VPS13A: variants seen among roughly 807,000 people sequenced by gnomAD.
VPS13A encodes vacuolar protein sorting 13 homolog A.
VPS13A carries 264 observed loss-of-function variants against 390.9 expected under a neutral mutation model. That is an observed-to-expected ratio of 0.68 (90% CI 0.61 to 0.75). VPS13A has a LOEUF of 0.75. Among genes scored for constraint, VPS13A ranks in the 30% least tolerant of loss-of-function variants. The pLI, the probability that VPS13A is intolerant of heterozygous loss-of-function variation, is 0.00. For missense variants in VPS13A, 3,409 were observed against 3,733.9 expected (o/e 0.91, Z 2.27); for synonymous variants, 1,231 against 1,227.1 (o/e 1.00, Z -0.07).
chr9:77,193,598 C>T (rs1824813187), intron 1 of VPS13A, among the ~76,000 whole-genome samples: 1 of 152,184 alleles, frequency 6.6e-6, no homozygotes, highest in Non-Finnish European at 1.5e-5. Flanking sequence ...CATGCCACTG[C>T]ACTCCAGCCT....
intron 52 of VPS13A, among the ~76,000 whole-genome samples, chr9:77,346,720 A>G (rs1238382747): frequency 6.6e-6 from 1 of 152,240 alleles, no homozygotes; most frequent in African/African-American, 2.4e-5. Context: ...ATGAGAATCC[A>G]ATTTTATTCT....
chr9:77,233,169 G>A (rs1166725360), intron 17 of VPS13A, among the ~76,000 whole-genome samples: 1 of 151,804 alleles, frequency 6.6e-6, no homozygotes, highest in African/African-American at 2.4e-5. Flanking sequence ...CTAGGAATTT[G>A]TTCATTTATC....
At chr9:77,283,713 C>A (rs1827173537) in intron 31 of VPS13A, 63 bp downstream of exon 31, 3 of 1,286,274 alleles carry the variant, frequency 2.3e-6, no homozygotes, top group Admixed American at 2.0e-5. Flanking sequence ...TAAGAGTGGT[C>A]ATAGGTATCA....
At position 77,323,083 on chromosome 9, in the gene VPS13A, T is replaced by C; in HGVS notation, c.5847T>C (p.Ser1949=). 1 of 1,612,366 alleles carries C rather than the reference T, an allele frequency of 6.2e-7. No individual in the cohort carries two copies. The highest frequency in any genetic ancestry group is 8.5e-7 in the Non-Finnish European group (1 of 1,178,806). Residue 1949 remains serine, a synonymous_variant, in exon 45 of 72, where the codon TCT becomes TCC. Coordinates refer to ENST00000360280, the MANE Select transcript of VPS13A (RefSeq NM_033305.3). ...FFILLTPVNH[S]TADKIPLTKV... ...TTAATTTAGCACCTGTTAACCATTC[T>C]ACTGCTGATAAGATTCCTTTAACAA...
chr9:77,226,069 C>A, intron 14 of VPS13A, 81 bp downstream of exon 14: 1 of 1,305,726 alleles, frequency 7.7e-7, no homozygotes, highest in Non-Finnish European at 1.1e-6. Context: ...TAATCTTATA[C>A]TGTAACATAT....
intron 17 of VPS13A, among the ~76,000 whole-genome samples, chr9:77,230,817 C>A (rs139790998): frequency 0.02 from 3,067 of 152,158 alleles, 69 homozygotes; most frequent in African/African-American, 0.056. Context: ...GTGTACTGAA[C>A]AAATTATTCA....
At chr9:77,412,409 C>T (rs1834980879) in intron 71 of VPS13A, among the ~76,000 whole-genome samples, 1 of 152,224 alleles carries the variant, frequency 6.6e-6, no homozygotes, top group Non-Finnish European at 1.5e-5. Flanking sequence ...ATCAAGTGGG[C>T]TTCATCCCTG....
Position 77,372,029 on chromosome 9 carries a change from G to A in VPS13A, c.9077+880G>A, listed in dbSNP as rs368629712. ...GTATTCCATGGTGTATATGTGCCAC[G>A]TTTTCTTAATCCAGTCTATCATTGT... On this transcript the variant is annotated intron_variant, in intron 67 of 71. Transcript: ENST00000360280. Among the ~76,000 whole-genome samples the A allele has an allele frequency of 7.4e-5, 11 of 149,050 alleles. No homozygotes were observed. The South Asian group carries it at 1.1e-3, about 15-fold the overall frequency.
chr9:77,226,432 A>T, intron 14 of VPS13A, 34 bp from the exon 15 acceptor site: 1 of 1,569,110 alleles, frequency 6.4e-7, no homozygotes. Context: ...ATAAAGGATA[A>T]TGTGTCATTT....
In VPS13A at chr9:77,212,883, T is replaced by C. The variant is rs1016014574; in HGVS notation, c.556-86T>C. The stretch of plus-strand genomic sequence containing the variant: ...GGCATTTTCATGAAAGGGACATTGG[T>C]CTAGGGTATGGTAGATAATGATTTA... On this transcript the variant is annotated intron_variant, in intron 7 of 71. Transcript: ENST00000360280. 9 of 1,388,676 alleles carry C rather than the reference T, an allele frequency of 6.5e-6. No homozygotes were observed. The African/African-American group carries it at 1.1e-4, about 17-fold the overall frequency. 86.0% of individuals were successfully genotyped at this position (1,388,676 alleles called of 1,614,324 possible). A position where few individuals can be genotyped will look rare whatever the true frequency, so the allele number is the denominator to read the frequency against.
chr9:77,192,477 A>G (rs1044816410), intron 1 of VPS13A, among the ~76,000 whole-genome samples: 3 of 152,158 alleles, frequency 2.0e-5, no homozygotes, highest in Non-Finnish European at 2.9e-5. Context: ...GGTAGCCGGT[A>G]ATGGTCTTTC....
chr9:77,382,071 G>T lies in VPS13A; in HGVS notation c.9173G>T (p.Gly3058Val). ...CCGTACAGGTTGAGGGATGGGACTG[G>T]AAATCAAATGTTACAGGTAAATTAA... ...IRPYRLRDGT[G>V]NQMLQVMENG... The change falls in exon 68 of 72, where the codon GGA (glycine) becomes GTA (valine). Residue 3058 changes from glycine to valine, a missense_variant. Physicochemically the swap from Gly to Val is moderately radical, Grantham distance 109. Coordinates refer to ENST00000360280, the MANE Select transcript of VPS13A (RefSeq NM_033305.3). 6.2e-7 allele frequency: 1 copy of T among 1,606,444 alleles called. No homozygotes were observed. The highest frequency in any genetic ancestry group is 1.3e-5 in the African/African-American group (1 of 74,852).
chr9:77,249,078 TCTA>T lies in VPS13A; in HGVS notation c.2038-1016_2038-1014del, dbSNP rs531882808. Among the ~76,000 whole-genome samples, 668 of 152,328 alleles carry T rather than the reference TCTA, an allele frequency of 4.4e-3. 3 individuals carry two copies. The highest frequency in any genetic ancestry group is 0.015 in the African/African-American group (631 of 41,562). ...AGAACATTTCCATTATTGTAGAAGT[TCTA>T]CTGGACAGCGTTGCTGTAAATCATT... On this transcript the variant is annotated intron_variant, in intron 20 of 71. Coordinates refer to ENST00000360280, the MANE Select transcript of VPS13A (RefSeq NM_033305.3).
intron 10 of VPS13A, among the ~76,000 whole-genome samples, chr9:77,215,018 G>A (rs998714668): frequency 6.6e-6 from 1 of 152,030 alleles, no homozygotes; most frequent in African/African-American, 2.4e-5. Context: ...TGCCCGCCTC[G>A]GCCTTCCAAA....
chr9:77,330,642 C>T (rs1024378577), intron 45 of VPS13A, among the ~76,000 whole-genome samples: 3 of 152,078 alleles, frequency 2.0e-5, no homozygotes, highest in African/African-American at 7.2e-5. Context: ...GGAAAACTTG[C>T]AGTTAATGTC....
intron 67 of VPS13A, among the ~76,000 whole-genome samples, chr9:77,374,612 T>A (rs900121842): frequency 6.6e-6 from 1 of 152,234 alleles, no homozygotes; most frequent in African/African-American, 2.4e-5. Context: ...CACAGTTGAC[T>A]GTGGATAACT....
At chr9:77,195,403 C>T (rs901309380) in intron 1 of VPS13A, among the ~76,000 whole-genome samples, 2 of 152,006 alleles carry the variant, frequency 1.3e-5, no homozygotes, top group Non-Finnish European at 1.5e-5. Context: ...GGATTACAGG[C>T]GTGAGCCACC....
At chr9:77,370,626 A>T in intron 65 of VPS13A, 48 bp downstream of exon 65, 1 of 1,611,098 alleles carries the variant, frequency 6.2e-7, no homozygotes, top group Non-Finnish European at 8.5e-7. Context: ...TATCTTTTAA[A>T]CAAACCTACA....
At chr9:77,377,280 C>T (rs889925743) in intron 67 of VPS13A, among the ~76,000 whole-genome samples, 10 of 127,588 alleles carry the variant, frequency 7.8e-5, no homozygotes, top group African/African-American at 2.3e-4. Flanking sequence ...ACTGCAGTGG[C>T]GCAATCTCGG....
Sources: allele counts gnomAD v4.1 joint callset (sites outside exome capture counted in the v4.1 genomes callset), GRCh38; gene constraint gnomAD v4.1.1; transcripts MANE v1.5; gene names NCBI Gene and HGNC (gene_info 2026-07-23, HGNC 2026-07-21).